Variants in TMEM132B observed in about 807,000 individuals in gnomAD.
TMEM132B encodes the protein transmembrane protein 132B.
Under a neutral mutation model 90.8 loss-of-function variants are expected in TMEM132B, and 18 were observed. The observed-to-expected ratio is 0.20, with a 90% CI of 0.14 to 0.29. TMEM132B has a LOEUF of 0.29. TMEM132B is among the 10% of genes least tolerant of loss of function. The pLI, the probability that TMEM132B is intolerant of heterozygous loss-of-function variation, is 1.00. For synonymous variants in TMEM132B, 504 were observed against 523.3 expected (o/e 0.96, Z 0.50); for missense variants, 1,096 against 1,326.8 (o/e 0.83, Z 2.70).
At chr12:125,366,181 CATTGCTGCAA>C (rs1388396365) in intron 2 of TMEM132B, among the ~76,000 whole-genome samples, 1 of 152,064 alleles carries the variant, frequency 6.6e-6, no homozygotes, top group Non-Finnish European at 1.5e-5. Context: ...GTTCCACCCA[CATTGCTGCAA>C]ATGACAGGAT....
intron 4 of TMEM132B, among the ~76,000 whole-genome samples, chr12:125,570,622 A>G (rs776924824): frequency 8.5e-5 from 13 of 152,218 alleles, no homozygotes; most frequent in Admixed American, 5.2e-4. Flanking sequence ...TGCCTCGTAG[A>G]TAATAAATGA....
In TMEM132B at chr12:125,191,356, A is replaced by G. The variant is rs138549045; in HGVS notation, c.67+4490A>G. Among the ~76,000 whole-genome samples, 1,136 of 152,216 alleles carry G rather than the reference A, an allele frequency of 7.5e-3. 19 individuals carry two copies. The highest frequency in any genetic ancestry group is 0.026 in the African/African-American group (1,066 of 41,492). On this transcript the variant is annotated intron_variant, in intron 1 of 8. Coordinates refer to ENST00000682704, the MANE Select transcript of TMEM132B (RefSeq NM_001366854.1). ...GGATGCTCACCACTCTGGCAAGTGG[A>G]CACTCTCATTATTCCTAGTTTACAA... is the stretch of plus-strand genomic sequence containing the variant.
At chr12:125,616,132 C>T (rs968189118) in intron 5 of TMEM132B, among the ~76,000 whole-genome samples, 2 of 137,048 alleles carry the variant, frequency 1.5e-5, no homozygotes, top group African/African-American at 5.4e-5. Context: ...TGTTCCCCTT[C>T]CTGTGTCCAC....
rs553252136 is a variant in TMEM132B at position 125,661,655 on chromosome 12, C to T, written c.*6945C>T. On this transcript the variant is annotated 3_prime_UTR_variant, in exon 9 of 9. Coordinates refer to ENST00000682704, the MANE Select transcript of TMEM132B (RefSeq NM_001366854.1). ...CCAAGAACAAAACCAATTGTCCAAC[C>T]TCCATTACAGGGGTCTTCTAGGTAT... 1 of 152,294 alleles carries T rather than the reference C, an allele frequency of 6.6e-6. No homozygotes were observed. Among genetic ancestry groups the T allele is most frequent in the East Asian group, 1.9e-4 (1 of 5,182 alleles). 9.4% of individuals were successfully genotyped at this position (152,294 alleles called of 1,614,324 possible).
chr12:125,374,506 T>C (rs1238429271), intron 2 of TMEM132B, among the ~76,000 whole-genome samples: 2 of 152,030 alleles, frequency 1.3e-5, no homozygotes, highest in Non-Finnish European at 2.9e-5. Flanking sequence ...GTCCCTTGAG[T>C]CCTGGATGTC....
intron 1 of TMEM132B, among the ~76,000 whole-genome samples, chr12:125,214,198 C>T (rs1462798267): frequency 6.6e-6 from 1 of 152,300 alleles, no homozygotes; most frequent in African/African-American, 2.4e-5. Flanking sequence ...AAGAAAACAT[C>T]TTTTGATTTA....
At chr12:125,587,787 C>G (rs1490340425) in intron 5 of TMEM132B, 2 of 152,190 alleles carry the variant, frequency 1.3e-5, no homozygotes, top group Non-Finnish European at 2.9e-5. Flanking sequence ...AGACTTCACT[C>G]TCTCACTCTG....
intron 4 of TMEM132B, among the ~76,000 whole-genome samples, chr12:125,535,809 A>G (rs1482933242): frequency 6.6e-6 from 1 of 152,138 alleles, no homozygotes. Flanking sequence ...GATGGTTGTA[A>G]GGTCCCACAC....
chr12:125,366,115 T>C (rs989903544), intron 2 of TMEM132B, among the ~76,000 whole-genome samples: 1 of 152,062 alleles, frequency 6.6e-6, no homozygotes, highest in Non-Finnish European at 1.5e-5. Context: ...AGTGAGAACA[T>C]GTGATATTTG....
chr12:125,481,846 CAA>C lies in TMEM132B; in HGVS notation c.1107-37591_1107-37590del, dbSNP rs1238377590. ...CTGGAGGCATCGCACTACCTGACTTCAAACTATACTACAAGGCTACAGTAACC... is the reference window on the plus strand; with the variant it reads ...CTGGAGGCATCGCACTACCTGACTTCACTATACTACAAGGCTACAGTAACC... On this transcript the variant is annotated intron_variant, in intron 3 of 8. Transcript: ENST00000682704. Among the ~76,000 whole-genome samples the C allele has an allele frequency of 7.9e-5, 12 of 152,280 alleles. No individual in the cohort carries two copies. The East Asian group carries it at 1.7e-3, about 22-fold the overall frequency.
At chr12:125,637,748 C>A (rs1732773074) in intron 5 of TMEM132B, among the ~76,000 whole-genome samples, 1 of 152,084 alleles carries the variant, frequency 6.6e-6, no homozygotes. Flanking sequence ...GTGAAAAAAG[C>A]CAGACATAAA....
At chr12:125,194,190 C>G (rs980128292) in intron 1 of TMEM132B, among the ~76,000 whole-genome samples, 1 of 152,104 alleles carries the variant, frequency 6.6e-6, no homozygotes, top group African/African-American at 2.4e-5. Context: ...TCAATACAGT[C>G]CAATTTGATT....
intron 1 of TMEM132B, among the ~76,000 whole-genome samples, chr12:125,256,682 T>C (rs1262340525): frequency 2.0e-5 from 3 of 152,202 alleles, no homozygotes; most frequent in Non-Finnish European, 2.9e-5. Flanking sequence ...ATTAGGTTGG[T>C]GCAAAAAGTA....
At chr12:125,411,947 C>CCTG (rs1879858935) in intron 2 of TMEM132B, among the ~76,000 whole-genome samples, 1 of 152,158 alleles carries the variant, frequency 6.6e-6, no homozygotes, top group Admixed American at 6.5e-5. Context: ...GTCCTGCCTC[C>CCTG]CTGCCTTCCT....
intron 1 of TMEM132B, among the ~76,000 whole-genome samples, chr12:125,306,058 G>A (rs1029884480): frequency 1.3e-5 from 2 of 152,178 alleles, no homozygotes; most frequent in Admixed American, 6.5e-5. Flanking sequence ...AGGCCCCAGG[G>A]GGCCAGGCAG....
At chr12:125,252,711 G>GC (rs1308562015) in intron 1 of TMEM132B, among the ~76,000 whole-genome samples, 1 of 152,124 alleles carries the variant, frequency 6.6e-6, no homozygotes, top group Non-Finnish European at 1.5e-5. Flanking sequence ...ACACAGACAA[G>GC]CCCAGGGTCC....
At position 125,658,909 on chromosome 12, in the gene TMEM132B, C is replaced by G. The variant is rs568183685; in HGVS notation, c.*4199C>G. 1 of 152,232 alleles carries G rather than the reference C, an allele frequency of 6.6e-6. No individual in the cohort carries two copies. Among genetic ancestry groups the G allele is most frequent in the East Asian group, 1.9e-4 (1 of 5,176 alleles). The allele number at this position is 152,232 out of a possible 1,614,324, so 9.4% of individuals were successfully genotyped here. On this transcript the variant is annotated 3_prime_UTR_variant, in exon 9 of 9. Transcript: ENST00000682704. ...AACATTTTCATCTTATTCTTCTTGACTTTTGGATTTTTTTCTTTTCTTTTT... is the reference window on the plus strand; with the variant it reads ...AACATTTTCATCTTATTCTTCTTGAGTTTTGGATTTTTTTCTTTTCTTTTT...
At chr12:125,357,915 CT>C (rs1267530502) in intron 2 of TMEM132B, among the ~76,000 whole-genome samples, 4 of 152,230 alleles carry the variant, frequency 2.6e-5, no homozygotes, top group Non-Finnish European at 5.9e-5. Context: ...CAGGCATTAC[CT>C]GCTGGTTAGC....
chr12:125,483,633 G>T (rs1015334488), intron 3 of TMEM132B, among the ~76,000 whole-genome samples: 5 of 152,184 alleles, frequency 3.3e-5, no homozygotes, highest in Non-Finnish European at 7.3e-5. Context: ...AGAGGCATGA[G>T]CAAGAAGAGA....
Sources: allele counts gnomAD v4.1 joint callset (sites outside exome capture counted in the v4.1 genomes callset), GRCh38; gene constraint gnomAD v4.1.1; transcripts MANE v1.5; gene names NCBI Gene and HGNC (gene_info 2026-07-23, HGNC 2026-07-21).